Variants in CSN3 observed in about 807,000 individuals in gnomAD.
CSN3 encodes casein kappa, also known as kappa-casein.
Under a neutral mutation model 9.9 loss-of-function variants are expected in CSN3, and 7 were observed. That is an observed-to-expected ratio of 0.71 (90% CI 0.40 to 1.33). The LOEUF (loss-of-function observed/expected upper bound fraction) is 1.33. Ranked by LOEUF, CSN3 falls within the 40% of genes most tolerant of loss-of-function variation. The pLI is 0.01. For synonymous variants in CSN3, 88 were observed against 82.3 expected, an observed-to-expected ratio of 1.07 and a Z score of -0.37; for missense variants, 253 against 227.9, an observed-to-expected ratio of 1.11 and a Z score of -0.71.
chr4:70,238,939 T>C (rs1411753199), upstream of CSN3, among the ~76,000 whole-genome samples: 2 of 151,814 alleles, frequency 1.3e-5, no homozygotes, highest in Non-Finnish European at 2.9e-5. Context: ...TTCTGTTTTG[T>C]TCATGATAAT....
chr4:70,251,215 G>C (rs1273370885), intron 4 of CSN3, 47 bp from the exon 5 acceptor site: 1 of 152,072 alleles, frequency 6.6e-6, no homozygotes, highest in Non-Finnish European at 1.5e-5. Flanking sequence ...CATGAGAACT[G>C]TTAACATACT....
chr4:70,248,145 A>G (rs930211853), intron 3 of CSN3, among the ~76,000 whole-genome samples: 6 of 152,182 alleles, frequency 3.9e-5, no homozygotes, highest in African/African-American at 1.4e-4. Flanking sequence ...AAATGAAAAC[A>G]TAAGTAAAGC....
At chr4:70,241,024 A>G (rs922440842), upstream of CSN3, among the ~76,000 whole-genome samples, 2 of 152,152 alleles carry the variant, frequency 1.3e-5, no homozygotes, top group African/African-American at 4.8e-5. Context: ...TGTCTTCAGA[A>G]GTGTTCTGAG....
At chr4:70,251,181 T>C (rs1730475079) in intron 4 of CSN3, 81 bp from the exon 5 acceptor site, 1 of 152,158 alleles carries the variant, frequency 6.6e-6, no homozygotes, top group Admixed American at 6.6e-5. Flanking sequence ...AAAGAAAAAT[T>C]GTGGAAGCTA....
upstream of CSN3, among the ~76,000 whole-genome samples, chr4:70,239,011 T>C (rs1730223265): frequency 6.6e-6 from 1 of 151,866 alleles, no homozygotes; most frequent in Non-Finnish European, 1.5e-5. Flanking sequence ...TACTTGAATC[T>C]ACAGTTCAGT....
chr4:70,241,782 TA>T (rs1465934876), upstream of CSN3, among the ~76,000 whole-genome samples: 1 of 151,950 alleles, frequency 6.6e-6, no homozygotes, highest in Non-Finnish European at 1.5e-5. Flanking sequence ...TTTAAAATCT[TA>T]AAAAAAGTTT....
At chr4:70,243,659 G>C (rs1172649254) in intron 1 of CSN3, among the ~76,000 whole-genome samples, 1 of 152,026 alleles carries the variant, frequency 6.6e-6, no homozygotes, top group Admixed American at 6.6e-5. Context: ...GCTGCAACAA[G>C]ATGAAGTTAG....
At chr4:70,246,953 G>T (rs1296259332) in intron 2 of CSN3, among the ~76,000 whole-genome samples, 1 of 151,946 alleles carries the variant, frequency 6.6e-6, no homozygotes, top group South Asian at 2.1e-4. Context: ...ATTACAGGGT[G>T]AGACATGTGC....
chr4:70,240,189 TA>T (rs5859217), upstream of CSN3, among the ~76,000 whole-genome samples: 17,225 of 151,932 alleles, frequency 0.11, 1,289 homozygotes, highest in East Asian at 0.27. Flanking sequence ...AAGTTGTTAC[TA>T]AAAAAAGAGT....
intron 3 of CSN3, 64 bp downstream of exon 3, chr4:70,247,914 A>G (rs1024648019): frequency 1.3e-4 from 155 of 1,235,590 alleles, no homozygotes; most frequent in Non-Finnish European, 1.6e-4. Flanking sequence ...GCAAAGGTCA[A>G]TTGTATTATA....
intron 1 of CSN3, among the ~76,000 whole-genome samples, chr4:70,243,445 G>A (rs777798): frequency 0.6 from 91,686 of 151,844 alleles, 27,846 homozygotes; most frequent in Middle Eastern, 0.71. Flanking sequence ...GAGTTCCATC[G>A]AATGGAAATT....
At chr4:70,247,578 A>C (rs924633635) in intron 2 of CSN3, among the ~76,000 whole-genome samples, 4 of 152,016 alleles carry the variant, frequency 2.6e-5, no homozygotes, top group Admixed American at 6.6e-5. Context: ...TGACTTTTTC[A>C]TTCTAGGTGG....
At chr4:70,239,625 A>T (rs535460358), upstream of CSN3, among the ~76,000 whole-genome samples, 1 of 152,038 alleles carries the variant, frequency 6.6e-6, no homozygotes, top group African/African-American at 2.4e-5. Flanking sequence ...TCTCCTCACA[A>T]TCTGAAAATA....
chr4:70,249,344 C>G (rs760767613), exon 4 of CSN3: 1 of 1,614,036 alleles, frequency 6.2e-7, no homozygotes, highest in South Asian at 1.1e-5. Flanking sequence ...CCTACACCAG[C>G]TCCTGCCACT....
chr4:70,239,879 C>A (rs553772895), upstream of CSN3, among the ~76,000 whole-genome samples: 1 of 152,024 alleles, frequency 6.6e-6, no homozygotes, highest in Non-Finnish European at 1.5e-5. Flanking sequence ...TTACATATAG[C>A]AAAGACTTTT....
intron 2 of CSN3, among the ~76,000 whole-genome samples, chr4:70,245,184 T>C (rs1432593532): frequency 6.6e-6 from 1 of 152,118 alleles, no homozygotes; most frequent in Admixed American, 6.6e-5. Flanking sequence ...TTTAAAATTG[T>C]AAATGCATTA....
chr4:70,244,724 T>C, intron 1 of CSN3, 88 bp from the exon 2 acceptor site: 1 of 649,018 alleles, frequency 1.5e-6, no homozygotes, highest in Non-Finnish European at 2.2e-6. Flanking sequence ...GCTTTTTTTC[T>C]TAATCAAGGA....
At chr4:70,239,637 T>C (rs1578251241), upstream of CSN3, among the ~76,000 whole-genome samples, 1 of 152,060 alleles carries the variant, frequency 6.6e-6, no homozygotes, top group East Asian at 1.9e-4. Context: ...CTGAAAATAG[T>C]CTTTCTGTAA....
chr4:70,247,529 T>C (rs951846014), intron 2 of CSN3, among the ~76,000 whole-genome samples: 3 of 152,086 alleles, frequency 2.0e-5, no homozygotes, highest in East Asian at 3.8e-4. Context: ...TAAGCATATT[T>C]GTTGGCATGG....
Sources: gnomAD v4.1 joint callset for allele counts (sites outside exome capture counted in the v4.1 genomes callset) on GRCh38, gnomAD v4.1.1 for gene constraint, MANE v1.5 for transcripts, NCBI Gene and HGNC (gene_info 2026-07-23, HGNC 2026-07-21) for gene names.